The following SLC4A3 variants were observed in gnomAD, a reference collection of about 807,000 sequenced individuals.
SLC4A3 encodes the protein anion exchange protein 3.
In SLC4A3, 47 loss-of-function variants were observed where a neutral mutation model predicts 114.2. The observed-to-expected ratio is 0.41, with a 90% CI of 0.33 to 0.52. The LOEUF is 0.52. SLC4A3 is among the 20% of genes least tolerant of loss of function. The pLI is 0.21. For missense variants in SLC4A3, 1,312 were observed against 1,668.3 expected (o/e 0.79, Z 3.72); for synonymous variants, 693 against 710.3 (o/e 0.98, Z 0.39).
rs1574643296 is a variant in SLC4A3 at position 219,628,738 on chromosome 2, A to C, written c.217+168A>C. ...CGTGTTCAGTCATCCTGCCTCCCCC[A>C]CCCATCGCCTGTCCGCCTGCCTGGG... On this transcript the variant is annotated intron_variant, in intron 3 of 22. Coordinates refer to ENST00000358055, the MANE Select transcript of SLC4A3 (RefSeq NM_005070.4). This position sits in a 1 kb window ranked among gnomAD's most constrained non-coding sequence, Gnocchi z 4.8. 2 of 731,846 alleles carry C rather than the reference A, an allele frequency of 2.7e-6. No homozygotes were observed. Among genetic ancestry groups the C allele is most frequent in the Admixed American group, 3.0e-5 (1 of 33,350 alleles). 45.3% of individuals were successfully genotyped at this position (731,846 alleles called of 1,614,324 possible).
Position 219,631,127 on chromosome 2 carries a change from G to A in SLC4A3, c.811+775G>A. 4.3e-6 allele frequency: 5 copies of A among 1,165,966 alleles called. No homozygotes were observed. Among genetic ancestry groups the A allele is most frequent in the African/African-American group, 1.6e-5 (1 of 62,076 alleles). The allele number at this position is 1,165,966 out of a possible 1,614,324, so 72.2% of individuals were successfully genotyped here. On this transcript the variant is annotated intron_variant, in intron 6 of 22. Coordinates refer to ENST00000358055, the MANE Select transcript of SLC4A3 (RefSeq NM_005070.4). The surrounding 1 kb of genome is among the most constrained non-coding windows in gnomAD (Gnocchi z 6.3). ...CTTGGGGAGTTGGGGTCGGGAGGCT[G>A]TGCCACCTTCAGCTCTGGTTGGACA...
rs181684021 is a variant in SLC4A3 at position 219,640,232 on chromosome 2, C to T, written c.3278-198C>T. Among the ~76,000 whole-genome samples, 4 of 123,088 alleles carry T rather than the reference C, an allele frequency of 3.2e-5. 1 individual carries two copies. The highest frequency in any genetic ancestry group is 2.9e-4 in the East Asian group (1 of 3,410). The allele number at this position is 123,088 out of a possible 152,430, so 80.8% of individuals were successfully genotyped here. A position where few individuals can be genotyped will look rare whatever the true frequency, so the allele number is the denominator to read the frequency against. On this transcript the variant is annotated intron_variant, in intron 20 of 22. Transcript: ENST00000358055. ...GCGTGAGCCAATGTGTCTGCCCCCC[C>T]CCCCGCCCCTCCTTCTCTTGTTCAG... is the stretch of plus-strand genomic sequence containing the variant.
At chr2:219,635,246 G>A (rs1699073562) in intron 12 of SLC4A3, 25 bp from the exon 13 acceptor site, 3 of 1,603,760 alleles carry the variant, frequency 1.9e-6, no homozygotes, top group Non-Finnish European at 1.7e-6. Context: ...GTCCCTGAGG[G>A]TCCTGGCCCT....
intron 9 of SLC4A3, 42 bp downstream of exon 9, chr2:219,633,051 T>C (rs766690467): frequency 7.5e-6 from 12 of 1,605,052 alleles, no homozygotes; most frequent in Non-Finnish European, 1.0e-5. Flanking sequence ...CCAGCTCAGC[T>C]GCCCTTCCAG....
Position 219,641,825 on chromosome 2 carries a change from A to G in SLC4A3, c.*97A>G, listed in dbSNP as rs1398931574. On this transcript the variant is annotated 3_prime_UTR_variant, in exon 23 of 23. Coordinates refer to ENST00000358055, the MANE Select transcript of SLC4A3 (RefSeq NM_005070.4). The surrounding 1 kb of genome is among the most constrained non-coding windows in gnomAD (Gnocchi z 4.0). Reference sequence around the variant, plus strand: ...GCCCTGGGCTGGGGGGCTCCTCAGGACCCAGAGATGTGCCTGGAACCACTC... The same window carrying G: ...GCCCTGGGCTGGGGGGCTCCTCAGGGCCCAGAGATGTGCCTGGAACCACTC... The G allele has an allele frequency of 3.0e-6, 3 of 995,560 alleles. No individual in the cohort carries two copies. Among genetic ancestry groups the G allele is most frequent in the Non-Finnish European group, 4.7e-6 (3 of 639,260 alleles). The allele number at this position is 995,560 out of a possible 1,614,324, so 61.7% of individuals were successfully genotyped here. A position where few individuals can be genotyped will look rare whatever the true frequency, so the allele number is the denominator to read the frequency against.
Position 219,627,745 on chromosome 2 carries a change from G to C in SLC4A3, c.-94G>C, listed in dbSNP as rs1698764334. ...GGCCTCGCAGGCTCCGGAGCCCCGA[G>C]GTACCGCGGGGCGGGGCACGCCGGG... On this transcript the variant is annotated splice_region_variant and 5_prime_UTR_variant, in exon 1 of 23. Coordinates refer to ENST00000358055, the MANE Select transcript of SLC4A3 (RefSeq NM_005070.4). The C allele has an allele frequency of 3.2e-6, 1 of 312,676 alleles. No homozygotes were observed. The highest frequency in any genetic ancestry group is 5.8e-6 in the Non-Finnish European group (1 of 171,794). The allele number at this position is 312,676 out of a possible 1,614,324, so 19.4% of individuals were successfully genotyped here. A position where few individuals can be genotyped will look rare whatever the true frequency, so the allele number is the denominator to read the frequency against.
rs1438990137 is a variant in SLC4A3 at position 219,635,719 on chromosome 2, C to T, written c.2019C>T (p.Asp673=). 47 of 1,595,070 alleles carry T rather than the reference C, an allele frequency of 2.9e-5. No homozygotes were observed. Among genetic ancestry groups the T allele is most frequent in the Non-Finnish European group, 4.0e-5 (47 of 1,173,814 alleles). The change falls in exon 14 of 23, where the codon GAC becomes GAT. Residue 673 remains aspartate, a synonymous_variant. Transcript: ENST00000358055. The part of the protein sequence containing the change: ...LGGSEATPED[D]PLLRTGSVFG... ...GCTCTGAGGCAACCCCTGAAGATGA[C>T]CCCTTGCTGCGGACGGGCTCGGTAT...
rs769997245 is a variant in SLC4A3, at chr2:219,635,469, C to T, written c.1945C>T (p.Arg649Trp). ...ACAGACCAAAGTCGAGATGACCACA[C>T]GGGGTGGCTACACGGCCCCTGGGAA... ...REQTKVEMTTRGGYTAPGKEL... is the reference protein window; with the variant it reads ...REQTKVEMTTWGGYTAPGKEL... The change falls in exon 13 of 23, where the codon CGG becomes TGG. Residue 649 changes from arginine (R) to tryptophan (W), a missense_variant. By Grantham distance (101) the Arg-to-Trp change is moderately radical. Transcript: ENST00000358055. 36 of 1,613,086 alleles carry T rather than the reference C, an allele frequency of 2.2e-5. No individual in the cohort carries two copies. Among genetic ancestry groups the T allele is most frequent in the African/African-American group, 4.0e-5 (3 of 74,910 alleles).
Position 219,636,891 on chromosome 2 carries a change from G to C in SLC4A3, c.2535+17G>C, listed in dbSNP as rs757215255. Reference sequence around the variant, plus strand: ...CTCTACAAGGTGGAGGTCCAGCGAGGTCTTGGGGGTGGCAGAGATGGAGGT... The same window carrying C: ...CTCTACAAGGTGGAGGTCCAGCGAGCTCTTGGGGGTGGCAGAGATGGAGGT... On this transcript the variant is annotated intron_variant, in intron 16 of 22. Coordinates refer to ENST00000358055, the MANE Select transcript of SLC4A3 (RefSeq NM_005070.4). This position sits in a 1 kb window ranked among gnomAD's most constrained non-coding sequence, Gnocchi z 5.5. The C allele has an allele frequency of 1.6e-5, 25 of 1,604,926 alleles. No individual in the cohort carries two copies. Among genetic ancestry groups the C allele is most frequent in the Non-Finnish European group, 2.0e-5 (24 of 1,173,238 alleles).
At chr2:219,634,130 G>C in intron 11 of SLC4A3, 151 bp downstream of exon 11, 3 of 1,003,456 alleles carry the variant, frequency 3.0e-6, no homozygotes, top group Non-Finnish European at 4.2e-6. Flanking sequence ...ACCTGTCTTA[G>C]CCCAGCCCTT....
At chr2:219,640,014 C>T (rs979692044) in intron 20 of SLC4A3, among the ~76,000 whole-genome samples, 1 of 152,196 alleles carries the variant, frequency 6.6e-6, no homozygotes, top group Non-Finnish European at 1.5e-5. Flanking sequence ...ACTGCAAGCT[C>T]CGCCTCCCAG....
chr2:219,636,731 C>T lies in SLC4A3; in HGVS notation c.2392C>T (p.Leu798Phe). 6.2e-7 allele frequency: 1 copy of T among 1,614,080 alleles called. No homozygotes were observed. The highest frequency in any genetic ancestry group is 8.5e-7 in the Non-Finnish European group (1 of 1,179,984). Reference protein sequence around the residue: ...EYLTGRVWVGLWLVVFVLALV... With the variant: ...EYLTGRVWVGFWLVVFVLALV... ...CCTCACTGGCCGGGTGTGGGTTGGT[C>T]TCTGGCTGGTGGTCTTCGTCCTTGC... Residue 798 changes from leucine (L) to phenylalanine (F), a missense_variant, in exon 16 of 23, where the codon CTC becomes TTC. Leu to Phe is a conservative substitution (Grantham distance 22, BLOSUM62 0). Transcript: ENST00000358055. The surrounding 1 kb of genome is among the most constrained non-coding windows in gnomAD (Gnocchi z 5.5).
rs1245095970 is a variant in SLC4A3, at chr2:219,636,142, T to G, written c.2192-160T>G. 6.6e-6 allele frequency among the ~76,000 whole-genome samples: 1 copy of G among 151,626 alleles called. No individual in the cohort carries two copies. The highest frequency in any genetic ancestry group is 1.5e-5 in the Non-Finnish European group (1 of 67,898). The stretch of plus-strand genomic sequence containing the variant: ...TCCTGTGATCACCATTGGGGGCTAG[T>G]GGGGAGGGTTTGGGAGCAATGGGGT... On this transcript the variant is annotated intron_variant, in intron 14 of 22. Transcript: ENST00000358055. This position sits in a 1 kb window ranked among gnomAD's most constrained non-coding sequence, Gnocchi z 5.5.
rs145824315 is a variant in SLC4A3, at chr2:219,632,073, G to C, written c.917G>C (p.Arg306Pro). Residue 306 changes from arginine to proline, a missense_variant, in exon 7 of 23, where the codon CGC becomes CCC. This residue lies in a region of SLC4A3 where 771 missense variants were observed against 977.7 expected (regional missense o/e 0.79). Transcript: ENST00000358055. ...CCCAGCGGCCTGGCCCCCATCCTTC[G>C]CAGGAAGAAGAAGAAGAAAAAGCTG... ...GSPSGLAPIL[R>P]RKKKKKKLDR... 3.1e-6 allele frequency: 5 copies of C among 1,613,786 alleles called. No individual in the cohort carries two copies. In the South Asian group the frequency reaches 3.3e-5, roughly 11 times the overall value.
chr2:219,628,083 G>A lies in SLC4A3; in HGVS notation c.51+40G>A, dbSNP rs1436995834. The A allele has an allele frequency of 6.7e-7, 1 of 1,482,432 alleles. No homozygotes were observed. Among genetic ancestry groups the A allele is most frequent in the Admixed American group, 2.2e-5 (1 of 44,662 alleles). 91.8% of individuals were successfully genotyped at this position (1,482,432 alleles called of 1,614,324 possible). On this transcript the variant is annotated intron_variant, in intron 2 of 22. Coordinates refer to ENST00000358055, the MANE Select transcript of SLC4A3 (RefSeq NM_005070.4). This position sits in a 1 kb window ranked among gnomAD's most constrained non-coding sequence, Gnocchi z 4.8. ...CGGGGGCGGGGGAGAGATGGGGGAG[G>A]AGAGGGGAGGGACCTTAGGGTGGGC...
Position 219,631,923 on chromosome 2 carries a change from G to A in SLC4A3, c.812-45G>A, listed in dbSNP as rs550624927. The A allele has an allele frequency of 2.6e-6, 4 of 1,538,694 alleles. No homozygotes were observed. The highest frequency in any genetic ancestry group is 2.2e-4 in the Middle Eastern group (1 of 4,504). ...AAGGAGCTGGGCCGTGACCCCGAGG[G>A]CCCCAGCTGGACCTGTGGGACCCCC... On this transcript the variant is annotated intron_variant, in intron 6 of 22. Coordinates refer to ENST00000358055, the MANE Select transcript of SLC4A3 (RefSeq NM_005070.4). The surrounding 1 kb of genome is among the most constrained non-coding windows in gnomAD (Gnocchi z 6.3).
Position 219,632,267 on chromosome 2 carries a change from C to T in SLC4A3, c.966C>T (p.Phe322=), listed in dbSNP as rs145141849. The T allele has an allele frequency of 4.9e-4, 783 of 1,613,932 alleles. No individual in the cohort carries two copies. The highest frequency in any genetic ancestry group is 6.0e-4 in the Non-Finnish European group (704 of 1,180,002). Residue 322 remains phenylalanine (F), a synonymous_variant, in exon 8 of 23, where the codon TTC becomes TTT. Transcript: ENST00000358055. ...ACCTTTGGCACGCCCCCCAGGTGTT[C>T]GTGGAGCTGAACGAGCTGATGCTGG... ...KKLDRRPHEV[F]VELNELMLDR...
intron 9 of SLC4A3, 50 bp downstream of exon 9, chr2:219,633,059 C>T: frequency 1.9e-6 from 3 of 1,600,298 alleles, no homozygotes; most frequent in Non-Finnish European, 2.6e-6. Flanking sequence ...GCTGCCCTTC[C>T]AGGAGCACAT....
chr2:219,633,743 T>C, intron 10 of SLC4A3, 137 bp from the exon 11 acceptor site: 1 of 1,339,552 alleles, frequency 7.5e-7, no homozygotes, highest in Non-Finnish European at 1.0e-6. Flanking sequence ...TGGCTCCCAG[T>C]GTGGGGCCAC....
Sources: gnomAD v4.1 joint callset for allele counts (sites outside exome capture counted in the v4.1 genomes callset) on GRCh38, gnomAD v4.1.1 for gene constraint, gnomAD v4.1.1 regional missense constraint, Gnocchi (gnomAD v3.1) non-coding constraint, MANE v1.5 for transcripts, NCBI Gene and HGNC (gene_info 2026-07-23, HGNC 2026-07-21) for gene names.